Variants in PRTG observed in about 807,000 individuals in gnomAD.
PRTG encodes immunoglobulin superfamily, DCC subclass, member 5.
Under a neutral mutation model 122.5 loss-of-function variants are expected in PRTG, and 67 were observed. The ratio of observed to expected loss-of-function variants is 0.55; its 90% CI spans 0.45 to 0.67. The LOEUF (loss-of-function observed/expected upper bound fraction) is 0.67, where lower values mean the gene tolerates loss of function less well. Among genes scored for constraint, PRTG ranks in the 30% least tolerant of loss-of-function variants. The probability of loss-of-function intolerance (pLI) is 0.00; values close to 1 mark genes in which losing one functional copy is unlikely to be tolerated. For synonymous variants in PRTG, 554 were observed against 501.1 expected, an observed-to-expected ratio of 1.11 and a Z score of -1.41; for missense variants, 1,435 against 1,415.4, an observed-to-expected ratio of 1.01 and a Z score of -0.22.
intron 2 of PRTG, among the ~76,000 whole-genome samples, chr15:55,711,081 ATTTTTTTTTTTTT>A (rs1168529643): frequency 8.7e-6 from 1 of 115,482 alleles, no homozygotes; most frequent in African/African-American, 3.2e-5. Flanking sequence ...TAATTTTTGT[ATTTTTTTTTTTTT>A]TTTTTTTAGC....
chr15:55,729,854 A>G (rs1341708090), intron 2 of PRTG, among the ~76,000 whole-genome samples: 1 of 152,172 alleles, frequency 6.6e-6, no homozygotes, highest in Non-Finnish European at 1.5e-5. Context: ...ATTTGGACAG[A>G]TGTATCAACA....
chr15:55,702,072 T>A (rs2029913925), intron 2 of PRTG, among the ~76,000 whole-genome samples: 1 of 152,198 alleles, frequency 6.6e-6, no homozygotes, highest in Admixed American at 6.5e-5. Context: ...AAAGACAGAA[T>A]TTACTATATG....
intron 18 of PRTG, 70 bp from the exon 19 acceptor site, chr15:55,620,837 C>T: frequency 7.8e-7 from 1 of 1,289,746 alleles, no homozygotes; most frequent in Non-Finnish European, 1.1e-6. Context: ...ACAAGTAGTG[C>T]ATACTTTAAC....
chr15:55,731,913 G>A (rs1319995804), intron 2 of PRTG, among the ~76,000 whole-genome samples: 1 of 152,160 alleles, frequency 6.6e-6, no homozygotes, highest in Non-Finnish European at 1.5e-5. Context: ...TCTGTCATGT[G>A]AACATCATAG....
chr15:55,712,447 G>A (rs922089394), intron 2 of PRTG, among the ~76,000 whole-genome samples: 2 of 152,190 alleles, frequency 1.3e-5, no homozygotes, highest in Non-Finnish European at 2.9e-5. Flanking sequence ...AGGTGGATTT[G>A]ATTTCTTTGG....
At chr15:55,730,726 G>C (rs910666011) in intron 2 of PRTG, among the ~76,000 whole-genome samples, 4 of 152,192 alleles carry the variant, frequency 2.6e-5, no homozygotes, top group Non-Finnish European at 5.9e-5. Flanking sequence ...CATGCACCCG[G>C]GAGGCGGAGC....
rs112544307 is a variant in PRTG, at chr15:55,703,146, T to C, written c.398-19215A>G. On this transcript the variant is annotated intron_variant, in intron 2 of 19. Coordinates refer to ENST00000389286, the MANE Select transcript of PRTG (RefSeq NM_173814.6). ...CATATGTGACCAAGACTGCTGAACA[T>C]TTGAGTACTTCTTCAGGATTAAACT... Among the ~76,000 whole-genome samples the C allele has an allele frequency of 3.7e-4, 56 of 152,318 alleles. 1 individual carries two copies. The highest frequency in any genetic ancestry group is 8.7e-4 in the African/African-American group (36 of 41,578).
intron 11 of PRTG, among the ~76,000 whole-genome samples, chr15:55,657,984 T>G (rs1452748927): frequency 1.3e-5 from 2 of 152,274 alleles, no homozygotes; most frequent in Non-Finnish European, 2.9e-5. Flanking sequence ...GTTGCTGTTT[T>G]CTTTTCATTC....
intron 2 of PRTG, among the ~76,000 whole-genome samples, chr15:55,695,534 T>G (rs568033097): frequency 6.6e-6 from 1 of 152,334 alleles, no homozygotes; most frequent in South Asian, 2.1e-4. Context: ...CCTCATCGAC[T>G]GCACCAGTCA....
rs767010239 is a variant in PRTG at position 55,677,910 on chromosome 15, T to C, written c.1268A>G (p.Tyr423Cys). The change falls in exon 8 of 20, where the codon TAT (tyrosine) becomes TGT (cysteine). Residue 423 changes from tyrosine (Y) to cysteine (C), a missense_variant. Tyr to Cys is a radical substitution (Grantham distance 194, BLOSUM62 -2). Coordinates refer to ENST00000389286, the MANE Select transcript of PRTG (RefSeq NM_173814.6). ...VMSEDRPSAP[Y>C]NVHAETMSSS... ...TGACATGGTTTCAGCATGTACATTA[T>C]AGGGAGCACTGGGTCTGTCTTCTGA... 16 of 1,613,968 alleles carry C rather than the reference T, an allele frequency of 9.9e-6. No homozygotes were observed. The highest frequency in any genetic ancestry group is 5.5e-5 in the South Asian group (5 of 91,088).
At chr15:55,652,840 G>A (rs1405060472) in intron 11 of PRTG, among the ~76,000 whole-genome samples, 4 of 152,112 alleles carry the variant, frequency 2.6e-5, no homozygotes, top group Non-Finnish European at 5.9e-5. Context: ...GAGGGGAGCA[G>A]ATCTCTAAGA....
At chr15:55,715,363 T>C (rs2030560652) in intron 2 of PRTG, among the ~76,000 whole-genome samples, 1 of 152,220 alleles carries the variant, frequency 6.6e-6, no homozygotes, top group Non-Finnish European at 1.5e-5. Context: ...AACTGTGTTT[T>C]TCATTTGATT....
intron 2 of PRTG, among the ~76,000 whole-genome samples, chr15:55,694,275 T>C (rs2059620394): frequency 6.6e-6 from 1 of 152,234 alleles, no homozygotes; most frequent in Non-Finnish European, 1.5e-5. Flanking sequence ...GTTCTTTTCA[T>C]AAAGTATATA....
intron 7 of PRTG, 103 bp downstream of exon 7, chr15:55,679,183 A>G (rs2059522108): frequency 1.4e-6 from 1 of 719,380 alleles, no homozygotes; most frequent in Non-Finnish European, 2.3e-6. Context: ...GTTAATAACT[A>G]TCAAGATAAT....
Position 55,620,740 on chromosome 15 carries a change from A to G in PRTG, c.3121T>C (p.Tyr1041His). The G allele has an allele frequency of 6.3e-7, 1 of 1,598,360 alleles. No individual in the cohort carries two copies. Among genetic ancestry groups the G allele is most frequent in the Non-Finnish European group, 8.5e-7 (1 of 1,176,316 alleles). ...KGGTDLIINS[Y>H]GPIIKNNSKK... ...GAGTTGTTTTTAATTATAGGACCATAGCTATTAATTATCAGGTCAGTTCCT... is the reference window on the plus strand; with the variant it reads ...GAGTTGTTTTTAATTATAGGACCATGGCTATTAATTATCAGGTCAGTTCCT... Residue 1041 changes from tyrosine to histidine, a missense_variant, in exon 19 of 20, where the codon TAT becomes CAT. By Grantham distance (83) the Tyr-to-His change is moderately conservative. Transcript: ENST00000389286.
At chr15:55,634,630 C>T (rs1227543131) in intron 15 of PRTG, among the ~76,000 whole-genome samples, 1 of 151,982 alleles carries the variant, frequency 6.6e-6, no homozygotes, top group East Asian at 1.9e-4. Context: ...TGCCTGAGCT[C>T]AGGAGTTCGA....
chr15:55,713,982 A>G (rs1253969319), intron 2 of PRTG, among the ~76,000 whole-genome samples: 2 of 152,158 alleles, frequency 1.3e-5, no homozygotes, highest in East Asian at 1.9e-4. Flanking sequence ...ATCTTTCCCA[A>G]TCCAGAAGTA....
chr15:55,628,889 T>C lies in PRTG; in HGVS notation c.2739A>G (p.Ala913=). The change falls in exon 16 of 20, where the codon GCA becomes GCG. Residue 913 remains alanine, a synonymous_variant. Transcript: ENST00000389286. Reference sequence around the variant, plus strand: ...ATTCAGAGGTTTCCTTTGGAAGTACTGCCAGCTCCACAGAATTTGAAAAGG... The same window carrying C: ...ATTCAGAGGTTTCCTTTGGAAGTACCGCCAGCTCCACAGAATTTGAAAAGG... ...EGPFSNSVEL[A]VLPKETSESN... is the part of the protein sequence containing the mutation. 6.2e-7 allele frequency: 1 copy of C among 1,614,136 alleles called. No individual in the cohort carries two copies. The highest frequency in any genetic ancestry group is 8.5e-7 in the Non-Finnish European group (1 of 1,179,968).
intron 11 of PRTG, 42 bp from the exon 12 acceptor site, chr15:55,641,250 A>T: frequency 7.0e-7 from 1 of 1,422,264 alleles, no homozygotes; most frequent in Non-Finnish European, 9.9e-7. Context: ...CCAGGTCTCT[A>T]GATCTGAGCA....
Sources: gnomAD v4.1 joint callset for allele counts (sites outside exome capture counted in the v4.1 genomes callset) on GRCh38, gnomAD v4.1.1 for gene constraint, MANE v1.5 for transcripts, NCBI Gene and HGNC (gene_info 2026-07-23, HGNC 2026-07-21) for gene names.